The following HMGCS2 variants were observed in gnomAD, a reference collection of about 807,000 sequenced individuals.
HMGCS2 encodes the protein hydroxymethylglutaryl-CoA synthase, mitochondrial.
In HMGCS2, 50 loss-of-function variants were observed where a neutral mutation model predicts 57.4. That is an observed-to-expected ratio of 0.87 (90% CI 0.69 to 1.10). The LOEUF is 1.10. Ranked by LOEUF, HMGCS2 falls within the 50% of genes least tolerant of loss-of-function variation. The pLI is 0.00. For synonymous variants in HMGCS2, 254 were observed against 245.1 expected, an observed-to-expected ratio of 1.04 and a Z score of -0.34; for missense variants, 627 against 636.5, an observed-to-expected ratio of 0.99 and a Z score of 0.16.
At chr1:119,765,683 T>C (rs1411646345) in intron 1 of HMGCS2, among the ~76,000 whole-genome samples, 1 of 152,254 alleles carries the variant, frequency 6.6e-6, no homozygotes. Flanking sequence ...CTTCTACATG[T>C]TATAAGCCCT....
chr1:119,757,737 G>A (rs587721581), intron 4 of HMGCS2, among the ~76,000 whole-genome samples: 67 of 152,278 alleles, frequency 4.4e-4, no homozygotes, highest in African/African-American at 1.5e-3. Context: ...AGGAGGAACC[G>A]GTCTACAAAA....
chr1:119,754,070 T>C (rs2101251322), intron 6 of HMGCS2, among the ~76,000 whole-genome samples: 1 of 151,548 alleles, frequency 6.6e-6, no homozygotes, highest in East Asian at 2.0e-4. Flanking sequence ...TTTTTTTTTT[T>C]TTTTGAGACA....
In HMGCS2 at chr1:119,750,800, CTTTA is replaced by C; in HGVS notation, c.1525_*1del. 6.2e-7 allele frequency: 1 copy of C among 1,609,706 alleles called. No homozygotes were observed. The highest frequency in any genetic ancestry group is 8.5e-7 in the Non-Finnish European group (1 of 1,176,088). On this transcript the variant is annotated stop_lost and 3_prime_UTR_variant, in exon 9 of 10. Coordinates refer to ENST00000369406, the MANE Select transcript of HMGCS2 (RefSeq NM_005518.4). ...AACTCTGCAAACTCTCACTCACCAC[CTTTA>C]GACGGGACGCCGGGCATACTTTCGG...
intron 4 of HMGCS2, among the ~76,000 whole-genome samples, chr1:119,757,796 A>G (rs955943176): frequency 1.3e-5 from 2 of 152,232 alleles, no homozygotes; most frequent in African/African-American, 2.4e-5. Flanking sequence ...ATTCAGGTTC[A>G]GATGTCTCTG....
chr1:119,763,212 C>T (rs184733902), intron 2 of HMGCS2, among the ~76,000 whole-genome samples: 1 of 152,280 alleles, frequency 6.6e-6, no homozygotes, highest in East Asian at 1.9e-4. Context: ...TCCTCTTGAC[C>T]TCTTTTTTCT....
intron 5 of HMGCS2, 98 bp downstream of exon 5, chr1:119,757,175 C>T: frequency 1.3e-6 from 2 of 1,594,288 alleles, no homozygotes; most frequent in Non-Finnish European, 1.7e-6. Context: ...GCCATTTGTC[C>T]CCCACAGGGG....
rs1571042818 is a variant in HMGCS2, at chr1:119,764,560, C to T, written c.171G>A (p.Leu57=). 6.2e-7 allele frequency: 1 copy of T among 1,614,068 alleles called. No homozygotes were observed. Among genetic ancestry groups the T allele is most frequent in the Non-Finnish European group, 8.5e-7 (1 of 1,180,034 alleles). The change falls in exon 2 of 10, where the codon CTG becomes CTA. Residue 57 remains leucine, a synonymous_variant. Coordinates refer to ENST00000369406, the MANE Select transcript of HMGCS2 (RefSeq NM_005518.4). ...TDTWPKDVGI[L]ALEVYFPAQY... is the part of the protein sequence containing the mutation. Reference sequence around the variant, plus strand: ...GGGCTGGGAAGTAGACCTCCAGGGCCAGGATGCCCACGTCCTTTGGCCAAG... The same window carrying T: ...GGGCTGGGAAGTAGACCTCCAGGGCTAGGATGCCCACGTCCTTTGGCCAAG...
chr1:119,767,793 A>G (rs1653284669), intron 1 of HMGCS2, among the ~76,000 whole-genome samples: 1 of 152,190 alleles, frequency 6.6e-6, no homozygotes, highest in African/African-American at 2.4e-5. Flanking sequence ...ACCCACATCA[A>G]TCTCTTCTTC....
chr1:119,749,250 A>C (rs767777361), intron 9 of HMGCS2, among the ~76,000 whole-genome samples: 2 of 152,086 alleles, frequency 1.3e-5, no homozygotes, highest in African/African-American at 2.4e-5. Context: ...TTCAGGTATA[A>C]TTCTGCCTAA....
chr1:119,755,494 G>C lies in HMGCS2; in HGVS notation c.1120C>G (p.Leu374Val), dbSNP rs1327737396. ...FDKKTKASLY[L>V]STHNGNMYTS... ...TACATGTTCCCATTGTGAGTGGAGA[G>C]GTAAAGGGAAGCCTTGGTTTTCTTG... The change falls in exon 6 of 10, where the codon CTC becomes GTC. Residue 374 changes from leucine (L) to valine (V), a missense_variant. Coordinates refer to ENST00000369406, the MANE Select transcript of HMGCS2 (RefSeq NM_005518.4). The C allele has an allele frequency of 1.2e-6, 2 of 1,613,998 alleles. No individual in the cohort carries two copies. Among genetic ancestry groups the C allele is most frequent in the East Asian group, 2.2e-5 (1 of 44,888 alleles).
intron 2 of HMGCS2, among the ~76,000 whole-genome samples, chr1:119,760,424 G>A (rs1164801945): frequency 6.6e-6 from 1 of 152,142 alleles, no homozygotes; most frequent in Non-Finnish European, 1.5e-5. Context: ...ATCCAATGAG[G>A]TAGGTAACAT....
intron 9 of HMGCS2, among the ~76,000 whole-genome samples, chr1:119,750,190 C>G (rs1233347802): frequency 6.6e-6 from 1 of 152,218 alleles, no homozygotes; most frequent in Non-Finnish European, 1.5e-5. Flanking sequence ...TTAACAGAAT[C>G]TTCAACCGCC....
At chr1:119,765,205 T>G (rs1653186402) in intron 1 of HMGCS2, among the ~76,000 whole-genome samples, 1 of 152,188 alleles carries the variant, frequency 6.6e-6, no homozygotes, top group African/African-American at 2.4e-5. Context: ...GCCTCCTGGG[T>G]TCACACCATT....
chr1:119,763,455 G>A (rs1261519439), intron 2 of HMGCS2, among the ~76,000 whole-genome samples: 1 of 152,012 alleles, frequency 6.6e-6, no homozygotes, highest in East Asian at 1.9e-4. Flanking sequence ...GTTAAGCAAG[G>A]CAGATAGGCA....
Position 119,759,252 on chromosome 1 carries a change from TA to T in HMGCS2, c.715del (p.Tyr239MetfsTer14). ...GLRGTHMENV[Y>X]DFYKPNLASE... is the part of the protein sequence containing the mutation. ...GGCCAAATTTGGTTTGTAGAAGTCA[TA>T]CACATTCTCCATATGGGTTCCCCTC... On this transcript the variant is annotated frameshift_variant, in exon 4 of 10. Coordinates refer to ENST00000369406, the MANE Select transcript of HMGCS2 (RefSeq NM_005518.4). LOFTEE classifies it high-confidence loss of function. 1 of 1,614,056 alleles carries T rather than the reference TA, an allele frequency of 6.2e-7. No individual in the cohort carries two copies. Among genetic ancestry groups the T allele is most frequent in the South Asian group, 1.1e-5 (1 of 91,076 alleles).
intron 6 of HMGCS2, among the ~76,000 whole-genome samples, chr1:119,754,676 G>A (rs1238849673): frequency 6.6e-6 from 1 of 152,172 alleles, no homozygotes; most frequent in Non-Finnish European, 1.5e-5. Flanking sequence ...CTACAGTTGG[G>A]GAAGGTGAGG....
chr1:119,758,979 G>A, intron 4 of HMGCS2, 139 bp downstream of exon 4: 1 of 893,946 alleles, frequency 1.1e-6, no homozygotes, highest in Non-Finnish European at 1.9e-6. Flanking sequence ...CCAGGGAAGA[G>A]TGTAAGAAAG....
intron 6 of HMGCS2, among the ~76,000 whole-genome samples, chr1:119,754,181 C>T (rs587604990): frequency 2.6e-5 from 4 of 151,948 alleles, no homozygotes; most frequent in Non-Finnish European, 4.4e-5. Context: ...CTCAGCCTCT[C>T]GAGTTGCTGG....
At chr1:119,761,215 AT>A (rs1653026621) in intron 2 of HMGCS2, among the ~76,000 whole-genome samples, 1 of 147,924 alleles carries the variant, frequency 6.8e-6, no homozygotes, top group Admixed American at 6.8e-5. Flanking sequence ...AGTATATATA[AT>A]TTTTATATAC....
Sources: allele counts gnomAD v4.1 joint callset (sites outside exome capture counted in the v4.1 genomes callset), GRCh38; gene constraint gnomAD v4.1.1; transcripts MANE v1.5; gene names NCBI Gene and HGNC (gene_info 2026-07-23, HGNC 2026-07-21).